Variants in METTL15 observed in about 807,000 individuals in gnomAD.
The protein encoded by METTL15 is 12S rRNA N(4)-cytidine methyltransferase METTL15.
A neutral mutation model predicts 38.3 loss-of-function variants in METTL15; 34 were observed. The ratio of observed to expected loss-of-function variants is 0.89; its 90% CI spans 0.68 to 1.18. METTL15 has a LOEUF of 1.18. Among genes scored for constraint, METTL15 ranks in the 50% most tolerant of loss-of-function variants. METTL15 has a pLI of 0.00. For missense variants in METTL15, 438 were observed against 498.4 expected (o/e 0.88, Z 1.15); for synonymous variants, 162 against 170.9 (o/e 0.95, Z 0.41).
chr11:28,403,323 G>A (rs1850646192), intron 5 of METTL15, among the ~76,000 whole-genome samples: 3 of 151,964 alleles, frequency 2.0e-5, no homozygotes, highest in Non-Finnish European at 2.9e-5. Flanking sequence ...TCCAGGATAA[G>A]TTACCTAACT....
intron 6 of METTL15, among the ~76,000 whole-genome samples, chr11:28,482,166 A>T (rs1421489230): frequency 6.6e-6 from 1 of 152,160 alleles, no homozygotes. Context: ...AGCTGTCTTC[A>T]CTTCTCTAAT....
chr11:28,380,198 C>T (rs1276706337), intron 5 of METTL15, among the ~76,000 whole-genome samples: 2 of 126,758 alleles, frequency 1.6e-5, no homozygotes, highest in South Asian at 2.5e-4. Context: ...GATGGAGTCT[C>T]ACTCTGTTGC....
At position 28,339,504 on chromosome 11, in the gene METTL15, G is replaced by A. The variant is rs189119978; in HGVS notation, c.*190-12586G>A. ...GATATTTCAGAAGGAAATATCTAGA[G>A]TAAAGCATAATGAGACATAAAGAGA... On this transcript the variant is annotated intron_variant and NMD_transcript_variant, in intron 3 of 7. Transcript: ENST00000532947. 1.9e-3 allele frequency among the ~76,000 whole-genome samples: 287 copies of A among 148,378 alleles called. 1 individual carries two copies. Among genetic ancestry groups the A allele is most frequent in the African/African-American group, 6.7e-3 (273 of 40,496 alleles).
intron 4 of METTL15, among the ~76,000 whole-genome samples, chr11:28,239,973 T>A (rs539024248): frequency 1.3e-5 from 2 of 152,326 alleles, no homozygotes; most frequent in South Asian, 4.1e-4. Context: ...TATTTTTCCC[T>A]TACTGTTATA....
chr11:28,449,815 A>T (rs977665945), intron 6 of METTL15, among the ~76,000 whole-genome samples: 11 of 152,144 alleles, frequency 7.2e-5, no homozygotes, highest in African/African-American at 2.4e-4. Context: ...CTAACACAGG[A>T]TGAAAAGGGA....
At chr11:28,141,119 G>T (rs949664628) in intron 3 of METTL15, among the ~76,000 whole-genome samples, 2 of 152,178 alleles carry the variant, frequency 1.3e-5, no homozygotes, top group Non-Finnish European at 2.9e-5. Context: ...TCTCAAATCT[G>T]CCTCTCTAAG....
intron 5 of METTL15, among the ~76,000 whole-genome samples, chr11:28,390,975 T>C (rs1224223916): frequency 1.3e-5 from 2 of 152,160 alleles, no homozygotes; most frequent in Non-Finnish European, 2.9e-5. Flanking sequence ...CTAAGTATTT[T>C]ATTCTCTTTG....
chr11:28,179,289 AT>A (rs1851194529), intron 3 of METTL15, among the ~76,000 whole-genome samples: 1 of 151,652 alleles, frequency 6.6e-6, no homozygotes. Flanking sequence ...ATTTTTCATT[AT>A]GCGTTATTTT....
chr11:28,357,148 T>C (rs900059544), intron 4 of METTL15, among the ~76,000 whole-genome samples: 5 of 152,228 alleles, frequency 3.3e-5, no homozygotes, highest in Non-Finnish European at 5.9e-5. Context: ...CTTGTAAGGC[T>C]GATAGAGTAG....
chr11:28,277,248 G>T (rs1855878139), intron 4 of METTL15, among the ~76,000 whole-genome samples: 1 of 152,116 alleles, frequency 6.6e-6, no homozygotes, highest in South Asian at 2.1e-4. Context: ...CTAATGAAAA[G>T]AAATTAGTGT....
At chr11:28,264,746 T>C (rs1051354341) in intron 4 of METTL15, among the ~76,000 whole-genome samples, 7 of 152,070 alleles carry the variant, frequency 4.6e-5, no homozygotes, top group African/African-American at 1.7e-4. Flanking sequence ...CTGAATAGAG[T>C]TGGTTCTTCC....
chr11:28,234,167 G>C (rs896315443), intron 4 of METTL15, among the ~76,000 whole-genome samples: 2 of 152,146 alleles, frequency 1.3e-5, no homozygotes, highest in Non-Finnish European at 2.9e-5. Flanking sequence ...GTATTCCATG[G>C]TGTATATGTG....
chr11:28,190,868 T>G (rs1851675502), intron 3 of METTL15, among the ~76,000 whole-genome samples: 1 of 151,366 alleles, frequency 6.6e-6, no homozygotes, highest in African/African-American at 2.4e-5. Context: ...TTTTATGTAC[T>G]TAGCTCGTTT....
intron 3 of METTL15, among the ~76,000 whole-genome samples, chr11:28,347,404 T>G (rs922680238): frequency 2.0e-5 from 3 of 152,182 alleles, no homozygotes; most frequent in African/African-American, 7.2e-5. Context: ...CATCTTCACT[T>G]GGGGTCAGAC....
intron 4 of METTL15, among the ~76,000 whole-genome samples, chr11:28,231,230 T>C (rs1284573572): frequency 2.0e-5 from 3 of 151,790 alleles, no homozygotes; most frequent in Admixed American, 2.0e-4. Flanking sequence ...TTAAGATAAG[T>C]GTCAGGACCC....
intron 6 of METTL15, among the ~76,000 whole-genome samples, chr11:28,310,701 TTTTTCATA>T (rs1374950801): frequency 6.6e-6 from 1 of 152,136 alleles, no homozygotes; most frequent in Non-Finnish European, 1.5e-5. Context: ...GAGCTATTCT[TTTTTCATA>T]TTTTCTGATT....
intron 3 of METTL15, among the ~76,000 whole-genome samples, chr11:28,116,001 A>G (rs1851938934): frequency 6.6e-6 from 1 of 151,438 alleles, no homozygotes; most frequent in Non-Finnish European, 1.5e-5. Context: ...GTGCACCACA[A>G]TCTCCTAAGC....
intron 3 of METTL15, among the ~76,000 whole-genome samples, chr11:28,178,805 G>T (rs1010805891): frequency 6.6e-6 from 1 of 151,692 alleles, no homozygotes; most frequent in South Asian, 2.1e-4. Context: ...AGTTTAAAAA[G>T]ATTTATGTGT....
chr11:28,349,408 T>C (rs1282798357), intron 3 of METTL15, among the ~76,000 whole-genome samples: 2 of 152,160 alleles, frequency 1.3e-5, no homozygotes, highest in Admixed American at 6.5e-5. Flanking sequence ...TGTTTGACAA[T>C]GGAAGGCAGG....
Sources: gnomAD v4.1 joint callset for allele counts (sites outside exome capture counted in the v4.1 genomes callset) on GRCh38, gnomAD v4.1.1 for gene constraint, MANE v1.5 for transcripts, NCBI Gene and HGNC (gene_info 2026-07-23, HGNC 2026-07-21) for gene names.